Variants in LYPD6 observed in about 807,000 individuals in gnomAD.
LYPD6 encodes the protein LY6/PLAUR domain containing 6, also known as ly6/PLAUR domain-containing protein 6.
Under a neutral mutation model 22.7 loss-of-function variants are expected in LYPD6, and 15 were observed. The ratio of observed to expected loss-of-function variants is 0.66; its 90% CI spans 0.44 to 1.02. LYPD6 has a LOEUF of 1.02. LYPD6 is among the 50% of genes least tolerant of loss of function. The pLI, the probability that LYPD6 is intolerant of heterozygous loss-of-function variation, is 0.00. For synonymous variants in LYPD6, 72 were observed against 77.5 expected (o/e 0.93, Z 0.37); for missense variants, 189 against 208.4 (o/e 0.91, Z 0.57).
At chr2:149,374,763 A>C (rs1330972691) in intron 1 of LYPD6, among the ~76,000 whole-genome samples, 1 of 152,224 alleles carries the variant, frequency 6.6e-6, no homozygotes, top group Non-Finnish European at 1.5e-5. Context: ...TTAGGCTTTT[A>C]CTATACATGG....
chr2:149,343,038 G>A lies in LYPD6; in HGVS notation c.-72+12316G>A, dbSNP rs189529189. On this transcript the variant is annotated intron_variant, in intron 1 of 4. Transcript: ENST00000334166. ...TGTCTATAATGGTACTTTCTTCTCA[G>A]TTGGGAACTATTTAGGAGAGATCTG... Among the ~76,000 whole-genome samples, 53 of 152,332 alleles carry A rather than the reference G, an allele frequency of 3.5e-4. No homozygotes were observed. In the East Asian group the frequency reaches 0.01, roughly 29 times the overall value.
chr2:149,456,636 AC>A (rs1680965147), intron 3 of LYPD6, among the ~76,000 whole-genome samples: 1 of 152,340 alleles, frequency 6.6e-6, no homozygotes, highest in Non-Finnish European at 1.5e-5. Context: ...TGGAACACAG[AC>A]AGGAACTGAG....
chr2:149,381,706 C>T (rs573689348), intron 1 of LYPD6, among the ~76,000 whole-genome samples: 1 of 152,248 alleles, frequency 6.6e-6, no homozygotes, highest in East Asian at 1.9e-4. Context: ...TTTTATTAAC[C>T]TACATTTGTC....
At chr2:149,330,182 C>T (rs1241599210), upstream of LYPD6, 1 of 152,134 alleles carries the variant, frequency 6.6e-6, no homozygotes, top group Non-Finnish European at 1.5e-5. Context: ...GGAGAGGCGC[C>T]AGGGGGTCGC....
chr2:149,420,384 C>A (rs1254573081), intron 1 of LYPD6, among the ~76,000 whole-genome samples: 1 of 152,174 alleles, frequency 6.6e-6, no homozygotes, highest in East Asian at 1.9e-4. Context: ...GTGTGTGTTT[C>A]ATTTCTCAAA....
the LYPD6 span, among the ~76,000 whole-genome samples, chr2:149,480,587 T>A: frequency 6.6e-6 from 1 of 152,164 alleles, no homozygotes; most frequent in African/African-American, 2.4e-5. Context: ...GGTGTTTGTG[T>A]CTGTAATATC....
intron 1 of LYPD6, among the ~76,000 whole-genome samples, chr2:149,385,045 T>A (rs192035178): frequency 6.6e-6 from 1 of 152,274 alleles, no homozygotes; most frequent in Admixed American, 6.5e-5. Flanking sequence ...TGTTTATGGA[T>A]GTAGATGGCA....
downstream of LYPD6, among the ~76,000 whole-genome samples, chr2:149,478,926 C>G (rs1027197685): frequency 1.3e-5 from 2 of 152,144 alleles, no homozygotes; most frequent in African/African-American, 4.8e-5. Context: ...TTGACCTAAA[C>G]CCTAATTCTC....
At chr2:149,415,415 AG>A (rs1366899867) in intron 1 of LYPD6, among the ~76,000 whole-genome samples, 1 of 152,102 alleles carries the variant, frequency 6.6e-6, no homozygotes, top group African/African-American at 2.4e-5. Context: ...GGCAGAAGGC[AG>A]GGGGCTTGCT....
intron 2 of LYPD6, among the ~76,000 whole-genome samples, chr2:149,447,705 G>A (rs991871739): frequency 6.6e-6 from 1 of 152,198 alleles, no homozygotes; most frequent in Admixed American, 6.5e-5. Flanking sequence ...ATTTTATGAT[G>A]ATTCAACCCA....
intron 1 of LYPD6, among the ~76,000 whole-genome samples, chr2:149,407,406 A>G (rs1470192401): frequency 6.6e-6 from 1 of 152,134 alleles, no homozygotes; most frequent in Non-Finnish European, 1.5e-5. Context: ...ACATAGTCGC[A>G]TATTTCTTGG....
chr2:149,410,847 A>G (rs1032681148), intron 1 of LYPD6, among the ~76,000 whole-genome samples: 10 of 152,228 alleles, frequency 6.6e-5, no homozygotes, highest in African/African-American at 2.4e-4. Context: ...AGTACAATAC[A>G]TCTGAATGTA....
downstream of LYPD6, among the ~76,000 whole-genome samples, chr2:149,476,364 G>A (rs1196671): frequency 0.88 from 133,487 of 152,146 alleles, 58,602 homozygotes; most frequent in East Asian, 0.99. Flanking sequence ...CATTTTCAGA[G>A]TCATGGCCTA....
chr2:149,330,899 C>T (rs919639505), intron 1 of LYPD6, among the ~76,000 whole-genome samples, 177 bp downstream of exon 1: 1 of 152,150 alleles, frequency 6.6e-6, no homozygotes, highest in Non-Finnish European at 1.5e-5. Flanking sequence ...GGCGTTTTGC[C>T]CCTAGTGGGC....
intron 1 of LYPD6, among the ~76,000 whole-genome samples, chr2:149,417,893 C>G (rs1392439109): frequency 1.3e-5 from 2 of 152,066 alleles, no homozygotes; most frequent in Admixed American, 6.6e-5. Flanking sequence ...ACATATTAGA[C>G]ACAGTAAATA....
chr2:149,463,472 A>G (rs1431361309), intron 3 of LYPD6, among the ~76,000 whole-genome samples: 1 of 152,192 alleles, frequency 6.6e-6, no homozygotes, highest in Non-Finnish European at 1.5e-5. Flanking sequence ...AAGCAGCTTG[A>G]CAGTTTCTTA....
chr2:149,461,724 T>A (rs1681091441), intron 3 of LYPD6, among the ~76,000 whole-genome samples: 1 of 151,958 alleles, frequency 6.6e-6, no homozygotes, highest in Non-Finnish European at 1.5e-5. Context: ...TGGGGCTTAG[T>A]CCATGGATAC....
intron 1 of LYPD6, among the ~76,000 whole-genome samples, chr2:149,353,706 A>G (rs150782211): frequency 0.015 from 2,296 of 152,232 alleles, 47 homozygotes; most frequent in African/African-American, 0.049. Flanking sequence ...TCCTCCCCCT[A>G]TAAAATTTGT....
rs182053761 is a variant in LYPD6, at chr2:149,425,168, G to A, written c.-71-12470G>A. ...TAGGGTTGATGCAGTCATGTCACCT[G>A]GATCCTCTTCCTGCGTCTCACATGT... On this transcript the variant is annotated intron_variant, in intron 1 of 4. Coordinates refer to ENST00000334166, the MANE Select transcript of LYPD6 (RefSeq NM_194317.5). Among the ~76,000 whole-genome samples the A allele has an allele frequency of 7.2e-3, 1,089 of 152,218 alleles. 8 individuals carry two copies. Among genetic ancestry groups the A allele is most frequent in the Non-Finnish European group, 8.2e-3 (559 of 68,020 alleles).
Sources: allele counts gnomAD v4.1 joint callset (sites outside exome capture counted in the v4.1 genomes callset), GRCh38; gene constraint gnomAD v4.1.1; transcripts MANE v1.5; gene names NCBI Gene and HGNC (gene_info 2026-07-23, HGNC 2026-07-21).